IQCC: variants seen among roughly 807,000 people sequenced by gnomAD.
The protein encoded by IQCC is IQ domain-containing protein C.
In IQCC, 23 loss-of-function variants were observed where a neutral mutation model predicts 27.0. The ratio of observed to expected loss-of-function variants is 0.85; its 90% CI spans 0.61 to 1.21. IQCC has a LOEUF of 1.21. Among genes scored for constraint, IQCC ranks in the 50% most tolerant of loss-of-function variants. The pLI, the probability that IQCC is intolerant of heterozygous loss-of-function variation, is 0.00. For synonymous variants in IQCC, 220 were observed against 217.2 expected, an observed-to-expected ratio of 1.01 and a Z score of -0.11; for missense variants, 552 against 562.3, an observed-to-expected ratio of 0.98 and a Z score of 0.19.
chr1:32,206,807 C>A, intron 3 of IQCC, 46 bp downstream of exon 3: 1 of 1,596,224 alleles, frequency 6.3e-7, no homozygotes, highest in Non-Finnish European at 8.6e-7. Context: ...CCTCACTGTG[C>A]CTCAGCCTCC....
chr1:32,208,302 A>T lies in IQCC; in HGVS notation c.*220A>T, dbSNP rs1643444602. On this transcript the variant is annotated 3_prime_UTR_variant, in exon 5 of 5. Transcript: ENST00000291358. ...AATCCTCTGCCTGTAGCTCAATCCA[A>T]ATTTGTGGATAAGGGGCCGGGTGCA... 1.9e-6 allele frequency: 1 copy of T among 516,590 alleles called. No homozygotes were observed. The highest frequency in any genetic ancestry group is 3.4e-5 in the Admixed American group (1 of 29,462). The allele number at this position is 516,590 out of a possible 1,614,324, so 32.0% of individuals were successfully genotyped here. A position where few individuals can be genotyped will look rare whatever the true frequency, so the allele number is the denominator to read the frequency against.
In IQCC at chr1:32,207,721, AG is replaced by A; in HGVS notation, c.1042del (p.Asp348ThrfsTer12). The A allele has an allele frequency of 6.2e-7, 1 of 1,614,044 alleles. No individual in the cohort carries two copies. The highest frequency in any genetic ancestry group is 1.3e-5 in the African/African-American group (1 of 75,050). On this transcript the variant is annotated frameshift_variant, in exon 5 of 5. Transcript: ENST00000291358. LOFTEE classifies it low-confidence loss of function (END_TRUNC). ...AGGACACAGCTGTCTGCACTCTATG[AG>A]GACTCAAATATTAAGGAGATGTCTC... ...KSRTQLSALY[E>X]DSNIKEMSPR...
At position 32,208,044 on chromosome 1, in the gene IQCC, T is replaced by C. The variant is rs746804829; in HGVS notation, c.1363T>C (p.Trp455Arg). Residue 455 changes from tryptophan to arginine, a missense_variant, in exon 5 of 5, where the codon TGG (tryptophan) becomes CGG (arginine). Coordinates refer to ENST00000291358, the MANE Select transcript of IQCC (RefSeq NM_018134.3). ...GGCAGGCTGTACAGGAGAGGAACAG[T>C]GGAGGGGCAGGCCATGGAAAACAGA... ...TKAGCTGEEQWRGRPWKTEPP... is the reference protein window; with the variant it reads ...TKAGCTGEEQRRGRPWKTEPP... 6.2e-7 allele frequency: 1 copy of C among 1,613,260 alleles called. No individual in the cohort carries two copies. Among genetic ancestry groups the C allele is most frequent in the Non-Finnish European group, 8.5e-7 (1 of 1,179,630 alleles).
chr1:32,205,871 G>A lies in IQCC; in HGVS notation c.42+148G>A. 6.4e-7 allele frequency: 1 copy of A among 1,552,362 alleles called. No homozygotes were observed. The highest frequency in any genetic ancestry group is 8.7e-7 in the Non-Finnish European group (1 of 1,147,566). On this transcript the variant is annotated intron_variant, in intron 1 of 4. Transcript: ENST00000291358. This position sits in a 1 kb window ranked among gnomAD's most constrained non-coding sequence, Gnocchi z 5.6. Reference sequence around the variant, plus strand: ...GATACCGGCTGTCCCCAACCGCGCTGAGGAAAGCTGGGACCCACGGACTCC... The same window carrying A: ...GATACCGGCTGTCCCCAACCGCGCTAAGGAAAGCTGGGACCCACGGACTCC...
Position 32,207,131 on chromosome 1 carries a change from C to A in IQCC, c.558+11C>A, listed in dbSNP as rs760489390. The stretch of plus-strand genomic sequence containing the variant: ...AATAGCCGTAAGGAGGTAACACTAA[C>A]CTGGAACTCTTTCTGAACATTTAGG... On this transcript the variant is annotated intron_variant, in intron 4 of 4. Transcript: ENST00000291358. The A allele has an allele frequency of 1.9e-6, 3 of 1,599,460 alleles. No individual in the cohort carries two copies. In the African/African-American group the frequency reaches 4.0e-5, roughly 21 times the overall value.
chr1:32,207,794 A>T lies in IQCC; in HGVS notation c.1113A>T (p.Thr371=). The change falls in exon 5 of 5, where the codon ACA becomes ACT. Residue 371 remains threonine (T), a synonymous_variant. Transcript: ENST00000291358. The part of the protein sequence containing the change: ...HKEPDCRTVR[T]QELGLSEDHI... ...AGCCTGACTGCCGAACAGTCAGGACACAAGAGTTGGGCCTCTCAGAGGACC... is the reference window on the plus strand; with the variant it reads ...AGCCTGACTGCCGAACAGTCAGGACTCAAGAGTTGGGCCTCTCAGAGGACC... 5.0e-6 allele frequency: 8 copies of T among 1,614,076 alleles called. No homozygotes were observed. The highest frequency in any genetic ancestry group is 2.2e-5 in the East Asian group (1 of 44,882).
chr1:32,206,519 C>T lies in IQCC; in HGVS notation c.197C>T (p.Ser66Phe), dbSNP rs781342117. The T allele has an allele frequency of 6.2e-7, 1 of 1,614,120 alleles. No homozygotes were observed. Among genetic ancestry groups the T allele is most frequent in the Non-Finnish European group, 8.5e-7 (1 of 1,180,036 alleles). Residue 66 changes from serine (S) to phenylalanine (F), a missense_variant, in exon 3 of 5, where the codon TCC (serine) becomes TTC (phenylalanine). Transcript: ENST00000291358. ...TCTCTTGTTTCTCAGAAGGCAAAATCCCATCAGACCTGGAAAGCAGGAGAC... is the reference window on the plus strand; with the variant it reads ...TCTCTTGTTTCTCAGAAGGCAAAATTCCATCAGACCTGGAAAGCAGGAGAC... ...RPRFLPEKAK[S>F]HQTWKAGDRV...
At position 32,205,925 on chromosome 1, in the gene IQCC, A is replaced by G. The variant is rs1643316191; in HGVS notation, c.42+202A>G. The G allele has an allele frequency of 1.9e-6, 3 of 1,550,996 alleles. No individual in the cohort carries two copies. The highest frequency in any genetic ancestry group is 2.6e-6 in the Non-Finnish European group (3 of 1,147,196). ...CCCTGCGCGTCCCCACTCCCACCAC[A>G]CGCTCGCGCCGGATCAGGGAAACGG... On this transcript the variant is annotated intron_variant, in intron 1 of 4. Transcript: ENST00000291358. The surrounding 1 kb of genome is among the most constrained non-coding windows in gnomAD (Gnocchi z 5.6).
rs1039760138 is a variant in IQCC at position 32,208,191 on chromosome 1, C to A, written c.*109C>A. ...GACCAGCTCTGGCTTCTGCTCCTGC[C>A]CCTGGCCATTGGTGACTAGTGGGGC... is the stretch of plus-strand genomic sequence containing the variant. On this transcript the variant is annotated 3_prime_UTR_variant, in exon 5 of 5. Transcript: ENST00000291358. 8.0e-7 allele frequency: 1 copy of A among 1,247,518 alleles called. No homozygotes were observed. The highest frequency in any genetic ancestry group is 1.1e-6 in the Non-Finnish European group (1 of 916,606). The allele number at this position is 1,247,518 out of a possible 1,614,324, so 77.3% of individuals were successfully genotyped here. A position where few individuals can be genotyped will look rare whatever the true frequency, so the allele number is the denominator to read the frequency against.
intron 2 of IQCC, 34 bp from the exon 3 acceptor site, chr1:32,206,475 G>A (rs1643341549): frequency 6.2e-7 from 1 of 1,613,236 alleles, no homozygotes; most frequent in Admixed American, 1.7e-5. Flanking sequence ...GAAGGGTTTA[G>A]CCCTGGGGCT....
Position 32,206,192 on chromosome 1 carries a change from G to C in IQCC, c.81G>C (p.Gln27His), listed in dbSNP as rs2124197767. The C allele has an allele frequency of 6.2e-7, 1 of 1,613,924 alleles. No individual in the cohort carries two copies. Among genetic ancestry groups the C allele is most frequent in the Non-Finnish European group, 8.5e-7 (1 of 1,179,798 alleles). The change falls in exon 2 of 5, where the codon CAG (glutamine) becomes CAC (histidine). Residue 27 changes from glutamine to histidine, a missense_variant. Gln to His is a conservative substitution (Grantham distance 24, BLOSUM62 0). Transcript: ENST00000291358. ...VRGFLVRRQF[Q>H]SLRAEYEAIV... ...GCTTCTTGGTCCGACGCCAGTTCCA[G>C]AGCCTGCGAGCTGAGTATGAGGCGA...
In IQCC at chr1:32,205,935, C is replaced by G. The variant is rs1244902418; in HGVS notation, c.42+212C>G. On this transcript the variant is annotated intron_variant, in intron 1 of 4. Transcript: ENST00000291358. The surrounding 1 kb of genome is among the most constrained non-coding windows in gnomAD (Gnocchi z 5.6). Reference sequence around the variant, plus strand: ...CCCCACTCCCACCACACGCTCGCGCCGGATCAGGGAAACGGGAAGAGCCTT... The same window carrying G: ...CCCCACTCCCACCACACGCTCGCGCGGGATCAGGGAAACGGGAAGAGCCTT... 1 of 1,551,826 alleles carries G rather than the reference C, an allele frequency of 6.4e-7. No homozygotes were observed.
intron 1 of IQCC, 112 bp from the exon 2 acceptor site, chr1:32,206,042 G>A: frequency 6.3e-7 from 1 of 1,598,084 alleles, no homozygotes; most frequent in Admixed American, 1.7e-5. Context: ...TCCTTTCCCC[G>A]CCGTCAGGTC....
In IQCC at chr1:32,206,982, C is replaced by T. The variant is rs1462822161; in HGVS notation, c.440-20C>T. Reference sequence around the variant, plus strand: ...CTGGTCCCTCAAGGTTTTCTCCTTCCTTTCTTCCCTCCTTCACAGAAGCCA... The same window carrying T: ...CTGGTCCCTCAAGGTTTTCTCCTTCTTTTCTTCCCTCCTTCACAGAAGCCA... On this transcript the variant is annotated intron_variant, in intron 3 of 4. Transcript: ENST00000291358. The T allele has an allele frequency of 1.9e-6, 3 of 1,581,186 alleles. No homozygotes were observed. In the Admixed American group the frequency reaches 5.3e-5, roughly 28 times the overall value.
At position 32,206,242 on chromosome 1, in the gene IQCC, T is replaced by C; in HGVS notation, c.131T>C (p.Leu44Pro). The C allele has an allele frequency of 6.2e-7, 1 of 1,614,192 alleles. No individual in the cohort carries two copies. Among genetic ancestry groups the C allele is most frequent in the Non-Finnish European group, 8.5e-7 (1 of 1,180,030 alleles). ...EAIVREVEGD[L>P]GTLQWTEGRI... ...ATTGTACGAGAGGTCGAGGGCGACC[T>C]GGGCACGCTTCAGTGGACCGAGGGC... is the stretch of plus-strand genomic sequence containing the variant. The change falls in exon 2 of 5, where the codon CTG becomes CCG. Residue 44 changes from leucine (L) to proline (P), a missense_variant. Transcript: ENST00000291358.
At chr1:32,206,870 TC>T in intron 3 of IQCC, 109 bp downstream of exon 3, 1 of 1,464,648 alleles carries the variant, frequency 6.8e-7, no homozygotes, top group Non-Finnish European at 9.4e-7. Flanking sequence ...TTTCCCGTCT[TC>T]CCTCTGCCGG....
Position 32,207,375 on chromosome 1 carries a change from T to G in IQCC, c.694T>G (p.Ser232Ala). The G allele has an allele frequency of 6.2e-6, 10 of 1,613,376 alleles. No homozygotes were observed. Among genetic ancestry groups the G allele is most frequent in the Non-Finnish European group, 8.5e-6 (10 of 1,179,820 alleles). The change falls in exon 5 of 5, where the codon TCC (serine) becomes GCC (alanine). Residue 232 changes from serine to alanine, a missense_variant. By Grantham distance (99) the Ser-to-Ala change is moderately conservative (BLOSUM62 1). Transcript: ENST00000291358. ...ACCAAGCGCACCACTGGAGGACCAG[T>G]CCTACAGAGACAGGACCACTGGAGA... Reference protein sequence around the residue: ...SQPSAPLEDQSYRDRTTGELE... With the variant: ...SQPSAPLEDQAYRDRTTGELE...
rs377231837 is a variant in IQCC, at chr1:32,208,027, G to T, written c.1346G>T (p.Cys449Phe). 71 of 1,614,030 alleles carry T rather than the reference G, an allele frequency of 4.4e-5. No individual in the cohort carries two copies. The highest frequency in any genetic ancestry group is 9.3e-5 in the African/African-American group (7 of 74,928). The change falls in exon 5 of 5, where the codon TGT becomes TTT. Residue 449 changes from cysteine to phenylalanine, a missense_variant. By Grantham distance (205) the Cys-to-Phe change is radical. Transcript: ENST00000291358. ...PEILSSTKAG[C>F]TGEEQWRGRP... ...ATTCTGTCTTCTACAAAGGCAGGCT[G>T]TACAGGAGAGGAACAGTGGAGGGGC...
At position 32,205,707 on chromosome 1, in the gene IQCC, A is replaced by C; in HGVS notation, c.26A>C (p.Lys9Thr). The C allele has an allele frequency of 6.2e-7, 1 of 1,609,920 alleles. No homozygotes were observed. The change falls in exon 1 of 5, where the codon AAG becomes ACG. Residue 9 changes from lysine (K) to threonine (T), a missense_variant. Lys to Thr is a moderately conservative substitution (Grantham distance 78, BLOSUM62 -1). Transcript: ENST00000291358. This position sits in a 1 kb window ranked among gnomAD's most constrained non-coding sequence, Gnocchi z 5.6. MEPELLVR[K>T]VSALQACVRG... ...ATGGAGCCAGAGCTGCTGGTTCGGA[A>C]GGTGTCTGCATTGCAGGTGCGGGGG...
Sources: allele counts gnomAD v4.1 joint callset, GRCh38; gene constraint gnomAD v4.1.1; non-coding constraint Gnocchi (gnomAD v3.1); transcripts MANE v1.5; gene names NCBI Gene and HGNC (gene_info 2026-07-23, HGNC 2026-07-21).